FBXO9: variants seen among roughly 807,000 people sequenced by gnomAD.
The protein encoded by FBXO9 is F-box protein 9.
Under a neutral mutation model 63.7 loss-of-function variants are expected in FBXO9, and 43 were observed. The observed-to-expected ratio is 0.67, with a 90% CI of 0.53 to 0.87. FBXO9 has a LOEUF of 0.87. Among genes scored for constraint, FBXO9 ranks in the 40% least tolerant of loss-of-function variants. FBXO9 has a pLI of 0.00. For missense variants in FBXO9, 442 were observed against 533.2 expected (o/e 0.83, Z 1.68); for synonymous variants, 156 against 171.7 (o/e 0.91, Z 0.72).
chr6:53,065,400 G>A (rs1673678177), upstream of FBXO9: 1 of 191,450 alleles, frequency 5.2e-6, no homozygotes, highest in South Asian at 1.8e-4. Flanking sequence ...CACCGGCACT[G>A]CGCATGCTCG....
Position 53,096,603 on chromosome 6 carries a change from CT to C in FBXO9, c.1205+943del, listed in dbSNP as rs1197757870. ...AATGCTGTGGGATTTTTTTTTTCTA[CT>C]TTTCAAAGAAAGAAACCTGAGCAGG... On this transcript the variant is annotated intron_variant, in intron 12 of 12. Transcript: ENST00000323557. 1.9e-4 allele frequency among the ~76,000 whole-genome samples: 29 copies of C among 151,368 alleles called. No individual in the cohort carries two copies. The East Asian group carries it at 3.9e-3, about 20-fold the overall frequency.
upstream of FBXO9, chr6:53,065,262 G>A (rs1768642703): frequency 2.0e-5 from 3 of 153,108 alleles, no homozygotes; most frequent in South Asian, 6.2e-4. Context: ...ACGCGGGTTG[G>A]GCTTGAGGTT....
chr6:53,071,043 T>A lies in FBXO9; in HGVS notation c.4-14T>A. On this transcript the variant is annotated splice_polypyrimidine_tract_variant and intron_variant, in intron 1 of 12. Transcript: ENST00000323557. Reference sequence around the variant, plus strand: ...GTTTATATGCCTGACATTATTTGGGTTTTCCCCCCTCAGGCAGAAGCTGAG... The same window carrying A: ...GTTTATATGCCTGACATTATTTGGGATTTCCCCCCTCAGGCAGAAGCTGAG... 6.4e-7 allele frequency: 1 copy of A among 1,563,372 alleles called. No individual in the cohort carries two copies. The highest frequency in any genetic ancestry group is 1.4e-5 in the African/African-American group (1 of 73,904).
intron 9 of FBXO9, chr6:53,093,258 C>A: frequency 2.2e-6 from 1 of 461,012 alleles, no homozygotes; most frequent in Non-Finnish European, 3.8e-6. Context: ...AACAGTTTCC[C>A]CTGAGGAAGA....
chr6:53,087,472 A>G (rs978927148), intron 7 of FBXO9, among the ~76,000 whole-genome samples: 8 of 152,180 alleles, frequency 5.3e-5, no homozygotes, highest in African/African-American at 1.9e-4. Context: ...ACCCTAGCCA[A>G]GCAAAAAGAT....
At chr6:53,079,941 A>G (rs1294302754) in intron 5 of FBXO9, among the ~76,000 whole-genome samples, 1 of 152,160 alleles carries the variant, frequency 6.6e-6, no homozygotes, top group African/African-American at 2.4e-5. Context: ...AGTTAACAGT[A>G]TGAGGTAGTT....
Position 53,100,863 on chromosome 6 carries a change from C to A in FBXO9, c.*3033C>A, listed in dbSNP as rs1293970714. ...GTAAACGTTTTTGGAATAAACATTC[C>A]TGTGGCTAAATCTTTGCATACTTCT... On this transcript the variant is annotated 3_prime_UTR_variant, in exon 13 of 13. Transcript: ENST00000323557. The A allele has an allele frequency of 1.3e-5, 2 of 151,538 alleles. No individual in the cohort carries two copies. Among genetic ancestry groups the A allele is most frequent in the East Asian group, 3.9e-4 (2 of 5,180 alleles). 9.4% of individuals were successfully genotyped at this position (151,538 alleles called of 1,614,324 possible).
intron 3 of FBXO9, 67 bp downstream of exon 3, chr6:53,073,706 C>A: frequency 1.5e-6 from 2 of 1,341,706 alleles, no homozygotes; most frequent in Non-Finnish European, 2.0e-6. Context: ...TTTTCACTGA[C>A]ACAGTAAGTA....
At chr6:53,088,421 C>G (rs1762952868) in intron 7 of FBXO9, among the ~76,000 whole-genome samples, 1 of 152,146 alleles carries the variant, frequency 6.6e-6, no homozygotes, top group African/African-American at 2.4e-5. Context: ...CAACAATAGG[C>G]TATAAGATGT....
At chr6:53,093,641 T>G (rs773144517) in intron 10 of FBXO9, 80 bp downstream of exon 10, 1 of 1,050,516 alleles carries the variant, frequency 9.5e-7, no homozygotes, top group Non-Finnish European at 1.4e-6. Context: ...ATCCAGTGCT[T>G]CTTTCACTTA....
At chr6:53,077,398 G>GGCA in intron 4 of FBXO9, among the ~76,000 whole-genome samples, 1 of 146,634 alleles carries the variant, frequency 6.8e-6, no homozygotes, top group East Asian at 2.0e-4. Flanking sequence ...GCGTGAACCC[G>GGCA]GGAGGCGGAG....
Position 53,093,551 on chromosome 6 carries a change from A to G in FBXO9, c.949A>G (p.Arg317Gly), listed in dbSNP as rs1444359533. ...PQSIVPRLRT[R>G]NTRTDAILLG... ...GTCCATTGTTCCACGTTTAAGAACT[A>G]GGAATACCAGGTAGCATTTGTTTTT... The change falls in exon 10 of 13, where the codon AGG becomes GGG. Residue 317 changes from arginine (R) to glycine (G), a missense_variant. Physicochemically the swap from Arg to Gly is moderately radical, Grantham distance 125. Around this residue, in one of 2 missense-constraint regions of FBXO9, gnomAD observed 262 missense variants for 362.1 expected, o/e 0.72. Transcript: ENST00000323557. 1.1e-5 allele frequency: 17 copies of G among 1,612,036 alleles called. No individual in the cohort carries two copies. The highest frequency in any genetic ancestry group is 1.4e-5 in the Non-Finnish European group (17 of 1,178,396).
In FBXO9 at chr6:53,092,498, C is replaced by T. The variant is rs776871324; in HGVS notation, c.723C>T (p.Tyr241=). The T allele has an allele frequency of 9.3e-6, 15 of 1,613,842 alleles. No homozygotes were observed. Among genetic ancestry groups the T allele is most frequent in the Admixed American group, 8.3e-5 (5 of 60,000 alleles). Residue 241 remains tyrosine (Y), a synonymous_variant, in exon 8 of 13, where the codon TAC becomes TAT. Transcript: ENST00000323557. Reference sequence around the variant, plus strand: ...GAAGCTGTATTAAACTTGTTCCGTACACGTCCTGGAGAGAGATGTTTTTAG... The same window carrying T: ...GAAGCTGTATTAAACTTGTTCCGTATACGTCCTGGAGAGAGATGTTTTTAG... ...WGRSCIKLVP[Y]TSWREMFLER...
At position 53,073,578 on chromosome 6, in the gene FBXO9, G is replaced by A. The variant is rs1394835431; in HGVS notation, c.188G>A (p.Gly63Asp). 12 of 1,610,802 alleles carry A rather than the reference G, an allele frequency of 7.4e-6. No individual in the cohort carries two copies. The highest frequency in any genetic ancestry group is 1.0e-5 in the Non-Finnish European group (12 of 1,178,334). The change falls in exon 3 of 13, where the codon GGC becomes GAC. Residue 63 changes from glycine to aspartate, a missense_variant. Gly to Asp is a moderately conservative substitution (Grantham distance 94). Transcript: ENST00000323557. ...LENRPCRAAR[G>D]SLQKTSADTK... is the part of the protein sequence containing the mutation. ...AATCGACCTTGCAGAGCAGCAAGAG[G>A]CTCTCTCCAGAAAACATCGGCAGAT...
chr6:53,067,494 A>G (rs1170998646), intron 1 of FBXO9, among the ~76,000 whole-genome samples: 1 of 152,210 alleles, frequency 6.6e-6, no homozygotes, highest in Non-Finnish European at 1.5e-5. Flanking sequence ...AAGAATGAGT[A>G]GAAATAGCTA....
In FBXO9 at chr6:53,090,245, T is replaced by G. The variant is rs189592879; in HGVS notation, c.654-2184T>G. ...GTGTTTTTTGTAGTCTTTTTTGTTA[T>G]CAGGCATACAAGCATGAGAACCTTA... On this transcript the variant is annotated intron_variant, in intron 7 of 12. Transcript: ENST00000323557. Among the ~76,000 whole-genome samples, 201 of 152,354 alleles carry G rather than the reference T, an allele frequency of 1.3e-3. 1 individual carries two copies. Among genetic ancestry groups the G allele is most frequent in the African/African-American group, 4.6e-3 (192 of 41,584 alleles).
chr6:53,067,238 T>A (rs1426463887), intron 1 of FBXO9, among the ~76,000 whole-genome samples: 1 of 152,120 alleles, frequency 6.6e-6, no homozygotes, highest in Non-Finnish European at 1.5e-5. Flanking sequence ...CCATACCTCT[T>A]TATAGATGTC....
At chr6:53,078,737 TA>T in intron 4 of FBXO9, 61 bp from the exon 5 acceptor site, 1 of 1,220,816 alleles carries the variant, frequency 8.2e-7, no homozygotes, top group Non-Finnish European at 1.2e-6. Context: ...CAGTTAAGGG[TA>T]ATCAAAGGAA....
Position 53,082,609 on chromosome 6 carries a change from T to A in FBXO9, c.644T>A (p.Ile215Asn). ...TCGCTGGTGTGCAGAGGATTCTACA[T>A]CTGTGCCAGGTACTAAGTTTTTGTT... ...QLSLVCRGFY[I>N]CARDPEIWRL... The change falls in exon 7 of 13, where the codon ATC becomes AAC. Residue 215 changes from isoleucine to asparagine, a missense_variant. Transcript: ENST00000323557. The A allele has an allele frequency of 1.2e-6, 2 of 1,611,404 alleles. No individual in the cohort carries two copies. The highest frequency in any genetic ancestry group is 1.7e-6 in the Non-Finnish European group (2 of 1,178,358).
Sources: gnomAD v4.1 joint callset for allele counts (sites outside exome capture counted in the v4.1 genomes callset) on GRCh38, gnomAD v4.1.1 for gene constraint, gnomAD v4.1.1 regional missense constraint, MANE v1.5 for transcripts, NCBI Gene and HGNC (gene_info 2026-07-23, HGNC 2026-07-21) for gene names.